Variants in ATP8A1 observed in about 807,000 individuals in gnomAD.
ATP8A1 encodes phospholipid-transporting ATPase IA.
Under a neutral mutation model 177.7 loss-of-function variants are expected in ATP8A1, and 90 were observed. The observed-to-expected ratio is 0.51, with a 90% confidence interval of 0.43 to 0.60. ATP8A1 has a LOEUF of 0.60. ATP8A1 is among the 20% of genes least tolerant of loss of function. ATP8A1 has a pLI of 0.00. For synonymous variants in ATP8A1, 493 were observed against 485.9 expected (o/e 1.01, Z -0.19); for missense variants, 1,072 against 1,392.8 (o/e 0.77, Z 3.67).
At chr4:42,419,160 T>C (rs1713575706) in intron 35 of ATP8A1, among the ~76,000 whole-genome samples, 1 of 152,244 alleles carries the variant, frequency 6.6e-6, no homozygotes. Flanking sequence ...CAACCATCAA[T>C]TCAACAATCC....
intron 24 of ATP8A1, among the ~76,000 whole-genome samples, chr4:42,493,879 T>A (rs896662791): frequency 4.6e-5 from 7 of 152,062 alleles, no homozygotes; most frequent in African/African-American, 1.7e-4. Context: ...GTTCTGCCCT[T>A]CCTCTGGTAT....
At chr4:42,588,447 T>C in intron 7 of ATP8A1, 118 bp from the exon 8 acceptor site, 1 of 743,628 alleles carries the variant, frequency 1.3e-6, no homozygotes. Flanking sequence ...AATAGTTACT[T>C]AGCTTCTTGA....
At chr4:42,455,209 T>G (rs1179000951) in intron 29 of ATP8A1, 88 bp downstream of exon 29, 1 of 1,520,804 alleles carries the variant, frequency 6.6e-7, no homozygotes. Context: ...TAGTGTATCC[T>G]TGGCCTTTGA....
intron 33 of ATP8A1, among the ~76,000 whole-genome samples, chr4:42,425,113 TA>T (rs1338559315): frequency 1.3e-5 from 2 of 152,198 alleles, no homozygotes; most frequent in Non-Finnish European, 2.9e-5. Context: ...GTAACAACTG[TA>T]AAAAACCAAT....
In ATP8A1 at chr4:42,524,976, A is replaced by G. The variant is rs372112461; in HGVS notation, c.1723-129T>C. 3 of 529,934 alleles carry G rather than the reference A, an allele frequency of 5.7e-6. No homozygotes were observed. The South Asian group carries it at 8.9e-5, about 16-fold the overall frequency. 32.8% of individuals were successfully genotyped at this position (529,934 alleles called of 1,614,324 possible). On this transcript the variant is annotated intron_variant, in intron 20 of 36. Transcript: ENST00000381668. ...ATCTCTTTTGGCATTCGTTTTAAAG[A>G]ACAAGATATTTTTGTCTAATAATAC...
chr4:42,471,367 A>G (rs1442418881), intron 25 of ATP8A1, among the ~76,000 whole-genome samples: 1 of 152,202 alleles, frequency 6.6e-6, no homozygotes, highest in Non-Finnish European at 1.5e-5. Flanking sequence ...TAAAATACAG[A>G]TAGCCTTTCC....
At chr4:42,639,844 T>C (rs755306160) in intron 1 of ATP8A1, among the ~76,000 whole-genome samples, 5 of 152,228 alleles carry the variant, frequency 3.3e-5, no homozygotes, top group African/African-American at 9.6e-5. Flanking sequence ...AATTACCTTA[T>C]ATAAAGTGAT....
chr4:42,575,516 G>T, intron 13 of ATP8A1, 106 bp downstream of exon 13: 1 of 846,614 alleles, frequency 1.2e-6, no homozygotes. Context: ...TTCAAATAGT[G>T]GAAAATTAAA....
chr4:42,463,975 C>T (rs73235575), intron 27 of ATP8A1, among the ~76,000 whole-genome samples: 23,407 of 152,142 alleles, frequency 0.15, 2,222 homozygotes, highest in South Asian at 0.24. Context: ...TTGTCTCCTC[C>T]CAGAATTAGA....
intron 2 of ATP8A1, 176 bp from the exon 3 acceptor site, chr4:42,625,889 T>C: frequency 2.3e-6 from 1 of 425,868 alleles, no homozygotes; most frequent in Non-Finnish European, 4.2e-6. Context: ...AAAGGTTAAA[T>C]AAATGGTAAA....
At chr4:42,445,337 C>T (rs948278917) in intron 31 of ATP8A1, among the ~76,000 whole-genome samples, 6 of 152,174 alleles carry the variant, frequency 3.9e-5, no homozygotes, top group Non-Finnish European at 8.8e-5. Flanking sequence ...AGTTACTTCA[C>T]GTCTCTGTGT....
intron 12 of ATP8A1, among the ~76,000 whole-genome samples, 181 bp from the exon 13 acceptor site, chr4:42,575,880 T>C (rs1030183571): frequency 6.6e-5 from 10 of 152,204 alleles, no homozygotes; most frequent in Non-Finnish European, 1.0e-4. Context: ...AAGTATTCAA[T>C]ACAGACTACT....
intron 33 of ATP8A1, among the ~76,000 whole-genome samples, chr4:42,428,206 A>G (rs1400329542): frequency 6.6e-6 from 1 of 152,200 alleles, no homozygotes; most frequent in African/African-American, 2.4e-5. Context: ...ATCATCATTC[A>G]TATGGAAATC....
intron 1 of ATP8A1, among the ~76,000 whole-genome samples, chr4:42,631,789 C>A (rs1738763338): frequency 6.6e-6 from 1 of 152,168 alleles, no homozygotes; most frequent in South Asian, 2.1e-4. Context: ...GGCCTAGGAA[C>A]CAATCTAGCC....
intron 1 of ATP8A1, among the ~76,000 whole-genome samples, chr4:42,635,538 G>A (rs191814330): frequency 6.6e-6 from 1 of 151,654 alleles, no homozygotes; most frequent in African/African-American, 2.4e-5. Flanking sequence ...TATTAACAGG[G>A]AAACTAGACA....
intron 33 of ATP8A1, among the ~76,000 whole-genome samples, chr4:42,427,049 C>A (rs553577219): frequency 6.6e-6 from 1 of 151,882 alleles, no homozygotes; most frequent in Non-Finnish European, 1.5e-5. Context: ...AGAGTAGTTG[C>A]GTTAACGCTG....
At chr4:42,417,160 GTCTTA>G (rs1329345044) in intron 35 of ATP8A1, among the ~76,000 whole-genome samples, 3 of 152,024 alleles carry the variant, frequency 2.0e-5, no homozygotes, top group Non-Finnish European at 4.4e-5. Flanking sequence ...TATTTCTCTA[GTCTTA>G]TCTTACACCT....
At chr4:42,537,096 C>A (rs1431071261) in intron 20 of ATP8A1, among the ~76,000 whole-genome samples, 1 of 149,956 alleles carries the variant, frequency 6.7e-6, no homozygotes, top group African/African-American at 2.5e-5. Flanking sequence ...CGTGCCATTG[C>A]ACTCCAGCCT....
At chr4:42,578,502 G>A in intron 11 of ATP8A1, 115 bp from the exon 12 acceptor site, 3 of 1,150,312 alleles carry the variant, frequency 2.6e-6, no homozygotes, top group South Asian at 1.6e-5. Context: ...TAATTTGGGA[G>A]GAACACTTTG....
Sources: allele counts gnomAD v4.1 joint callset (sites outside exome capture counted in the v4.1 genomes callset), GRCh38; gene constraint gnomAD v4.1.1; transcripts MANE v1.5; gene names NCBI Gene and HGNC (gene_info 2026-07-23, HGNC 2026-07-21).